IGFL4: variants seen among roughly 807,000 people sequenced by gnomAD.
IGFL4 encodes insulin growth factor-like family member 4.
IGFL4 carries 12 observed loss-of-function variants against 15.4 expected under a neutral mutation model. The observed-to-expected ratio is 0.78, with a 90% CI of 0.50 to 1.26. The LOEUF is 1.26. Among genes scored for constraint, IGFL4 ranks in the 50% most tolerant of loss-of-function variants. IGFL4 has a pLI of 0.00. For missense variants in IGFL4, 126 were observed against 147.8 expected (o/e 0.85, Z 0.76); for synonymous variants, 54 against 55.9 (o/e 0.97, Z 0.16).
intron 1 of IGFL4, chr19:46,062,961 T>C (rs1430567694): frequency 7.5e-6 from 1 of 134,148 alleles, no homozygotes; most frequent in East Asian, 2.1e-4. Context: ...CCAAAGAGAA[T>C]AGCACTTAAC....
chr19:46,075,944 G>A (rs1047113817), intron 1 of IGFL4, among the ~76,000 whole-genome samples: 6 of 152,080 alleles, frequency 3.9e-5, no homozygotes, highest in Non-Finnish European at 8.8e-5. Flanking sequence ...CATTCCTGCT[G>A]CTATAACAAA....
upstream of IGFL4, chr19:46,041,053 G>T: frequency 2.5e-6 from 3 of 1,178,338 alleles, no homozygotes; most frequent in Non-Finnish European, 3.6e-6. Context: ...TGAACTTACC[G>T]CCATTTAGGG....
At chr19:46,042,321 C>G (rs1969254553), upstream of IGFL4, among the ~76,000 whole-genome samples, 1 of 152,218 alleles carries the variant, frequency 6.6e-6, no homozygotes, top group Admixed American at 6.5e-5. Context: ...AAGACACATT[C>G]TCTCACCTAC....
At chr19:46,073,541 G>A (rs1473221089) in intron 1 of IGFL4, among the ~76,000 whole-genome samples, 1 of 152,174 alleles carries the variant, frequency 6.6e-6, no homozygotes, top group Non-Finnish European at 1.5e-5. Flanking sequence ...TGTGATGGAT[G>A]CGGTCCCGTA....
At chr19:46,053,194 G>C (rs1969363628) in intron 2 of IGFL4, among the ~76,000 whole-genome samples, 1 of 152,062 alleles carries the variant, frequency 6.6e-6, no homozygotes, top group African/African-American at 2.4e-5. Flanking sequence ...TACTTCACTT[G>C]GTTCTGATTT....
At chr19:46,062,377 A>G (rs1215356958) in intron 1 of IGFL4, among the ~76,000 whole-genome samples, 1 of 152,230 alleles carries the variant, frequency 6.6e-6, no homozygotes, top group Non-Finnish European at 1.5e-5. Flanking sequence ...CCATTGGAGA[A>G]TGGCACAGCC....
At chr19:46,073,779 G>T (rs1315296360) in intron 1 of IGFL4, among the ~76,000 whole-genome samples, 3 of 152,150 alleles carry the variant, frequency 2.0e-5, no homozygotes, top group Non-Finnish European at 4.4e-5. Flanking sequence ...CTCAATCCTG[G>T]ATTATAGACT....
At chr19:46,042,262 C>G (rs1969254243), upstream of IGFL4, among the ~76,000 whole-genome samples, 1 of 152,190 alleles carries the variant, frequency 6.6e-6, no homozygotes, top group Non-Finnish European at 1.5e-5. Context: ...GTCTGCTTAT[C>G]AATATGCCTT....
chr19:46,075,667 G>C (rs903218875), intron 1 of IGFL4, among the ~76,000 whole-genome samples: 1 of 152,112 alleles, frequency 6.6e-6, no homozygotes, highest in African/African-American at 2.4e-5. Flanking sequence ...TTACCTGGCT[G>C]ATGTGGTATT....
At chr19:46,049,959 T>C (rs1969330855) in intron 2 of IGFL4, among the ~76,000 whole-genome samples, 1 of 152,178 alleles carries the variant, frequency 6.6e-6, no homozygotes, top group Non-Finnish European at 1.5e-5. Context: ...TATCCACGGT[T>C]GAGAGACCTA....
chr19:46,061,042 G>GA (rs1378653643), intron 1 of IGFL4, among the ~76,000 whole-genome samples: 10 of 152,016 alleles, frequency 6.6e-5, no homozygotes, highest in Admixed American at 6.6e-5. Flanking sequence ...TCAATTCATG[G>GA]AAAAAACTGA....
At chr19:46,063,123 G>A (rs1017555460) in intron 1 of IGFL4, among the ~76,000 whole-genome samples, 2 of 152,128 alleles carry the variant, frequency 1.3e-5, no homozygotes, top group Non-Finnish European at 1.5e-5. Flanking sequence ...AATTAAGAAC[G>A]ACCTTTACTC....
intron 2 of IGFL4, among the ~76,000 whole-genome samples, chr19:46,056,476 C>G (rs367848082): frequency 2.0e-5 from 3 of 152,152 alleles, no homozygotes; most frequent in East Asian, 3.9e-4. Flanking sequence ...CATCAATGTG[C>G]CCCAGCAAGG....
chr19:46,053,040 C>T (rs1012067427), intron 2 of IGFL4, among the ~76,000 whole-genome samples: 1 of 151,354 alleles, frequency 6.6e-6, no homozygotes, highest in Non-Finnish European at 1.5e-5. Context: ...CAACGGAGGC[C>T]CATCTGTTTC....
chr19:46,048,394 A>G (rs900950949), intron 2 of IGFL4, among the ~76,000 whole-genome samples: 1 of 152,180 alleles, frequency 6.6e-6, no homozygotes, highest in African/African-American at 2.4e-5. Flanking sequence ...ACTCCTATTC[A>G]ACATAGTATT....
Position 46,055,724 on chromosome 19 carries a change from C to T in IGFL4, c.-323+4461G>A, listed in dbSNP as rs997923705. Among the ~76,000 whole-genome samples, 4 of 152,152 alleles carry T rather than the reference C, an allele frequency of 2.6e-5. No homozygotes were observed. The East Asian group carries it at 5.8e-4, about 22-fold the overall frequency. ...TTTACACTTTGTTCTCAATATTTTA[C>T]AGCTGAATGGTAAAAATTTAATTTG... On this transcript the variant is annotated intron_variant, in intron 2 of 5. Coordinates refer to the IGFL4 transcript ENST00000601672.
Position 46,040,001 on chromosome 19 carries a change from G to A in IGFL4, c.331-65C>T. On this transcript the variant is annotated intron_variant, in intron 3 of 3. Coordinates refer to ENST00000377697, the MANE Select transcript of IGFL4 (RefSeq NM_001002923.3). This position sits in a 1 kb window ranked among gnomAD's most constrained non-coding sequence, Gnocchi z 4.1. The stretch of plus-strand genomic sequence containing the variant: ...GGGTGGTAGCAGCAGTGGCGGGGAA[G>A]GAACAGAGACATGGAGAAAGACAGA... 6.6e-7 allele frequency: 1 copy of A among 1,520,944 alleles called. No homozygotes were observed. Among genetic ancestry groups the A allele is most frequent in the South Asian group, 1.1e-5 (1 of 89,150 alleles). The allele number at this position is 1,520,944 out of a possible 1,614,324, so 94.2% of individuals were successfully genotyped here.
rs1969390671 is a variant in IGFL4, at chr19:46,056,106, A to T, written c.-323+4079T>A. On this transcript the variant is annotated intron_variant, in intron 2 of 5. Coordinates refer to the IGFL4 transcript ENST00000601672. Reference sequence around the variant, plus strand: ...TTAGTTTTTATATAAAGGTGGCATAAATGGTAACACCATCTTTCAACCTTG... The same window carrying T: ...TTAGTTTTTATATAAAGGTGGCATATATGGTAACACCATCTTTCAACCTTG... Among the ~76,000 whole-genome samples, 3 of 152,210 alleles carry T rather than the reference A, an allele frequency of 2.0e-5. No homozygotes were observed. The South Asian group carries it at 6.2e-4, about 32-fold the overall frequency.
At chr19:46,074,630 T>G (rs1161919287) in intron 1 of IGFL4, among the ~76,000 whole-genome samples, 1 of 152,042 alleles carries the variant, frequency 6.6e-6, no homozygotes, top group Non-Finnish European at 1.5e-5. Context: ...GAGGGAAAGA[T>G]GTAGGCTGGG....
Sources: allele counts gnomAD v4.1 joint callset (sites outside exome capture counted in the v4.1 genomes callset), GRCh38; gene constraint gnomAD v4.1.1; non-coding constraint Gnocchi (gnomAD v3.1); transcripts MANE v1.5; gene names NCBI Gene and HGNC (gene_info 2026-07-23, HGNC 2026-07-21).